Variants in GBP6 observed in about 807,000 individuals in gnomAD.
GBP6 encodes guanylate binding protein family member 6.
A neutral mutation model predicts 61.5 loss-of-function variants in GBP6; 54 were observed. The ratio of observed to expected loss-of-function variants is 0.88; its 90% CI spans 0.71 to 1.10. GBP6 has a LOEUF of 1.10. Among genes scored for constraint, GBP6 ranks in the 50% least tolerant of loss-of-function variants. The probability of loss-of-function intolerance (pLI) is 0.00; values close to 1 mark genes in which losing one functional copy is unlikely to be tolerated. For synonymous variants in GBP6, 255 were observed against 273.7 expected (o/e 0.93, Z 0.67); for missense variants, 748 against 752.8 (o/e 0.99, Z 0.07).
chr1:89,378,095 C>T lies in GBP6; in HGVS notation c.319-8C>T. 1 of 1,609,850 alleles carries T rather than the reference C, an allele frequency of 6.2e-7. No homozygotes were observed. The highest frequency in any genetic ancestry group is 1.8e-4 in the Middle Eastern group (1 of 5,670). ...CTCCTAAGTCCTTTGCTCTAATGTG[C>T]TTTTTAGGGTGACCCTAAGAATGAC... On this transcript the variant is annotated splice_region_variant and splice_polypyrimidine_tract_variant and intron_variant, in intron 3 of 10. Transcript: ENST00000370456.
chr1:89,366,500 C>A (rs1254659901), intron 1 of GBP6, among the ~76,000 whole-genome samples: 1 of 152,120 alleles, frequency 6.6e-6, no homozygotes, highest in East Asian at 1.9e-4. Flanking sequence ...TAAGGTCACA[C>A]TGATGCATTA....
Position 89,385,298 on chromosome 1 carries a change from A to G in GBP6, c.1731A>G (p.Gln577=), listed in dbSNP as rs754093762. The G allele has an allele frequency of 1.7e-4, 272 of 1,614,018 alleles. 1 individual carries two copies. Among genetic ancestry groups the G allele is most frequent in the Non-Finnish European group, 2.2e-4 (265 of 1,179,958 alleles). ...KYEEMNAEIS[Q]FKRMIDTTKN... is the part of the protein sequence containing the mutation. ...AGGAGATGAATGCAGAGATAAGTCA[A>G]TTTAAACGTATGATTGATACTACAA... Residue 577 remains glutamine, a synonymous_variant, in exon 11 of 11, where the codon CAA becomes CAG. Transcript: ENST00000370456.
At chr1:89,384,423 TC>T (rs1226473338) in intron 10 of GBP6, 137 bp downstream of exon 10, 2 of 640,210 alleles carry the variant, frequency 3.1e-6, no homozygotes, top group East Asian at 5.7e-5. Context: ...AAGCCCTGAA[TC>T]CTTTTTTTCT....
At chr1:89,373,941 G>A (rs1652723917) in intron 3 of GBP6, among the ~76,000 whole-genome samples, 1 of 152,040 alleles carries the variant, frequency 6.6e-6, no homozygotes, top group Non-Finnish European at 1.5e-5. Context: ...TCGTGGGAGG[G>A]ACCTGGTGGG....
intron 3 of GBP6, among the ~76,000 whole-genome samples, chr1:89,377,576 T>G (rs1465502340): frequency 6.6e-6 from 1 of 152,198 alleles, no homozygotes; most frequent in Non-Finnish European, 1.5e-5. Flanking sequence ...CCATTTTTAT[T>G]GAATTCATCA....
Position 89,387,147 on chromosome 1 carries a change from C to T in GBP6, c.*1678C>T, listed in dbSNP as rs1169826032. ...GGCAGTACCCCAGGAAAGGACACTG[C>T]AACTCCAGGACCCAAATAAATGATA... On this transcript the variant is annotated 3_prime_UTR_variant, in exon 11 of 11. Transcript: ENST00000370456. 6.6e-6 allele frequency among the ~76,000 whole-genome samples: 1 copy of T among 152,142 alleles called. No individual in the cohort carries two copies. The highest frequency in any genetic ancestry group is 2.4e-5 in the African/African-American group (1 of 41,420).
chr1:89,375,086 G>T (rs577932762), intron 3 of GBP6, among the ~76,000 whole-genome samples: 7 of 152,258 alleles, frequency 4.6e-5, no homozygotes, highest in African/African-American at 1.7e-4. Flanking sequence ...CCATGTCCTT[G>T]AAAAGGACAT....
intron 3 of GBP6, among the ~76,000 whole-genome samples, chr1:89,375,892 T>A (rs1319059498): frequency 6.6e-6 from 1 of 152,136 alleles, no homozygotes; most frequent in Non-Finnish European, 1.5e-5. Context: ...TCATATCTTT[T>A]TTTTCCCCTT....
At chr1:89,380,349 G>T in intron 5 of GBP6, 37 bp from the exon 6 acceptor site, 1 of 1,572,996 alleles carries the variant, frequency 6.4e-7, no homozygotes, top group Non-Finnish European at 8.6e-7. Context: ...TACCAAGACT[G>T]TTTTCACTAT....
intron 3 of GBP6, among the ~76,000 whole-genome samples, chr1:89,373,856 T>G (rs1321051061): frequency 6.6e-6 from 1 of 151,790 alleles, no homozygotes; most frequent in Non-Finnish European, 1.5e-5. Flanking sequence ...AATATATATA[T>G]GCATGCTATG....
intron 6 of GBP6, 81 bp from the exon 7 acceptor site, chr1:89,381,613 T>A: frequency 7.1e-7 from 1 of 1,417,140 alleles, no homozygotes; most frequent in Non-Finnish European, 9.7e-7. Flanking sequence ...TGTAAGTGCA[T>A]GTGTGTGCTC....
At position 89,366,745 on chromosome 1, in the gene GBP6, C is replaced by T. The variant is rs116128091; in HGVS notation, c.-23-1784C>T. On this transcript the variant is annotated intron_variant, in intron 1 of 10. Transcript: ENST00000370456. ...TATTTTACTAATTAAGAAAATACTTCGGTGACATTAGTTGTGCAGCTATCT... is the reference window on the plus strand; with the variant it reads ...TATTTTACTAATTAAGAAAATACTTTGGTGACATTAGTTGTGCAGCTATCT... Among the ~76,000 whole-genome samples the T allele has an allele frequency of 2.2e-3, 333 of 152,212 alleles. 1 individual carries two copies. Among genetic ancestry groups the T allele is most frequent in the African/African-American group, 7.7e-3 (320 of 41,558 alleles).
In GBP6 at chr1:89,383,697, G is replaced by C. The variant is rs116173091; in HGVS notation, c.1411G>C (p.Glu471Gln). The C allele has an allele frequency of 2.9e-5, 46 of 1,612,698 alleles. No homozygotes were observed. The highest frequency in any genetic ancestry group is 3.6e-5 in the Non-Finnish European group (42 of 1,179,756). Residue 471 changes from glutamate (E) to glutamine (Q), a missense_variant, in exon 9 of 11, where the codon GAG becomes CAG. Glu to Gln is a conservative substitution (Grantham distance 29, BLOSUM62 2). Transcript: ENST00000370456. ...GTTCCTGGAGTCACAGATGGTGATA[G>C]AGGAATCCATCTTGCAGTCAGATAA... Reference protein sequence around the residue: ...QRFLESQMVIEESILQSDKAL... With the variant: ...QRFLESQMVIQESILQSDKAL...
chr1:89,387,416 T>C lies in GBP6; in HGVS notation c.*1947T>C, dbSNP rs1026772083. 1.3e-5 allele frequency among the ~76,000 whole-genome samples: 2 copies of C among 152,184 alleles called. No homozygotes were observed. The highest frequency in any genetic ancestry group is 1.9e-4 in the East Asian group (1 of 5,202). On this transcript the variant is annotated 3_prime_UTR_variant, in exon 11 of 11. Transcript: ENST00000370456. ...ATTGCAATATAGTATTTGTTTGAAA[T>C]GTAAAGGTAAAGTTTGTTTGAAGAC...
At chr1:89,375,871 T>A (rs1652793672) in intron 3 of GBP6, among the ~76,000 whole-genome samples, 3 of 152,150 alleles carry the variant, frequency 2.0e-5, no homozygotes, top group Admixed American at 1.3e-4. Context: ...TCTTCTGGTA[T>A]TTTTACGGCT....
At chr1:89,385,101 C>A in intron 10 of GBP6, 129 bp from the exon 11 acceptor site, 1 of 790,358 alleles carries the variant, frequency 1.3e-6, no homozygotes, top group Non-Finnish European at 2.0e-6. Context: ...GGTCCAAATT[C>A]TCCTCTAATA....
At chr1:89,383,860 G>A (rs1653057708) in intron 9 of GBP6, 106 bp downstream of exon 9, 5 of 929,988 alleles carry the variant, frequency 5.4e-6, no homozygotes, top group Admixed American at 2.6e-5. Flanking sequence ...CTCTTCTGTG[G>A]AACACACACT....
At chr1:89,365,852 T>A (rs1652453704) in intron 1 of GBP6, among the ~76,000 whole-genome samples, 1 of 152,214 alleles carries the variant, frequency 6.6e-6, no homozygotes, top group Non-Finnish European at 1.5e-5. Flanking sequence ...GAGCTGGTAT[T>A]TTTGGTGGCA....
At chr1:89,366,463 C>T (rs1344576970) in intron 1 of GBP6, among the ~76,000 whole-genome samples, 4 of 152,116 alleles carry the variant, frequency 2.6e-5, no homozygotes, top group African/African-American at 9.7e-5. Context: ...ATCACTCTTC[C>T]AAACCTGTAG....
Sources: allele counts gnomAD v4.1 joint callset (sites outside exome capture counted in the v4.1 genomes callset), GRCh38; gene constraint gnomAD v4.1.1; transcripts MANE v1.5; gene names NCBI Gene and HGNC (gene_info 2026-07-23, HGNC 2026-07-21).